The following KIAA1549L variants were observed in gnomAD, a reference collection of about 807,000 sequenced individuals.
KIAA1549L encodes UPF0606 protein KIAA1549L.
A neutral mutation model predicts 160.7 loss-of-function variants in KIAA1549L; 88 were observed. That is an observed-to-expected ratio of 0.55 (90% CI 0.46 to 0.65). KIAA1549L has a LOEUF of 0.65. Ranked by LOEUF, KIAA1549L falls within the 30% of genes least tolerant of loss-of-function variation. KIAA1549L has a pLI of 0.00. For missense variants in KIAA1549L, 2,258 were observed against 2,437.5 expected (o/e 0.93, Z 1.55); for synonymous variants, 950 against 976.7 (o/e 0.97, Z 0.51).
intron 20 of KIAA1549L, among the ~76,000 whole-genome samples, chr11:33,665,973 G>A (rs1336778792): frequency 6.6e-6 from 1 of 152,216 alleles, no homozygotes; most frequent in East Asian, 1.9e-4. Context: ...CAACTCTGAA[G>A]GGGTGGAGTT....
chr11:33,561,772 G>A, intron 8 of KIAA1549L, 37 bp downstream of exon 8: 1 of 1,408,658 alleles, frequency 7.1e-7, no homozygotes, highest in Non-Finnish European at 1.0e-6. Flanking sequence ...TCTTCATGCT[G>A]TCAGATTGAT....
At chr11:33,575,118 T>C (rs1031480386) in intron 10 of KIAA1549L, among the ~76,000 whole-genome samples, 2 of 152,224 alleles carry the variant, frequency 1.3e-5, no homozygotes, top group African/African-American at 4.8e-5. Flanking sequence ...TTCCTCAGCA[T>C]AATCTAGTGA....
At chr11:33,538,644 A>AT (rs1445785388) in intron 1 of KIAA1549L, among the ~76,000 whole-genome samples, 2 of 152,210 alleles carry the variant, frequency 1.3e-5, no homozygotes, top group African/African-American at 4.8e-5. Flanking sequence ...GAGGGAATCC[A>AT]GAGAGATACC....
chr11:33,644,405 G>A (rs1254000244), intron 16 of KIAA1549L, among the ~76,000 whole-genome samples: 1 of 152,198 alleles, frequency 6.6e-6, no homozygotes, highest in Non-Finnish European at 1.5e-5. Flanking sequence ...CCCATTTTGG[G>A]TGAATTCCCT....
chr11:33,661,896 A>G (rs1016933572), intron 20 of KIAA1549L, among the ~76,000 whole-genome samples: 1 of 150,976 alleles, frequency 6.6e-6, no homozygotes, highest in Admixed American at 6.6e-5. Context: ...AAAAAAAAAA[A>G]AAAAAAAAAA....
At chr11:33,405,007 CAAAAAA>C (rs35549544) in intron 1 of KIAA1549L, among the ~76,000 whole-genome samples, 1 of 109,272 alleles carries the variant, frequency 9.2e-6, no homozygotes, top group East Asian at 2.7e-4. Context: ...GACTCTGTCT[CAAAAAA>C]AAAAAAAAAA....
intron 1 of KIAA1549L, among the ~76,000 whole-genome samples, chr11:33,528,590 C>T (rs2615932): frequency 0.69 from 104,321 of 152,160 alleles, 36,264 homozygotes; most frequent in African/African-American, 0.81. Flanking sequence ...GCCCATCAAC[C>T]AATGAGTGGA....
rs566448828 is a variant in KIAA1549L, at chr11:33,670,131, C to A, written c.*1977C>A. 6.6e-6 allele frequency: 1 copy of A among 152,274 alleles called. No homozygotes were observed. Among genetic ancestry groups the A allele is most frequent in the Non-Finnish European group, 1.5e-5 (1 of 68,024 alleles). 9.4% of individuals were successfully genotyped at this position (152,274 alleles called of 1,614,324 possible). On this transcript the variant is annotated 3_prime_UTR_variant, in exon 21 of 21. Coordinates refer to ENST00000658780, the MANE Select transcript of KIAA1549L (RefSeq NM_012194.3). Reference sequence around the variant, plus strand: ...GCCAAAGAAACTCAGCCTGTTCATGCAAATGGTATGAGTCTGATAAAATCA... The same window carrying A: ...GCCAAAGAAACTCAGCCTGTTCATGAAAATGGTATGAGTCTGATAAAATCA...
chr11:33,612,772 A>G (rs929339271), intron 15 of KIAA1549L, among the ~76,000 whole-genome samples: 9 of 152,178 alleles, frequency 5.9e-5, no homozygotes, highest in Non-Finnish European at 1.3e-4. Flanking sequence ...TACACCCTGA[A>G]GTATACCCCA....
Position 33,561,729 on chromosome 11 carries a change from A to G in KIAA1549L, c.4072A>G (p.Ile1358Val). Reference protein sequence around the residue: ...ISETTRDYWVITVLQGVDNSL... With the variant: ...ISETTRDYWVVTVLQGVDNSL... ...AGAAACAACCAGAGACTATTGGGTA[A>G]TTACAGGTAATCTCTTATTTTGTAA... The change falls in exon 8 of 21, where the codon ATT becomes GTT. Residue 1358 changes from isoleucine (I) to valine (V), a missense_variant. Ile to Val is a conservative substitution (Grantham distance 29). Transcript: ENST00000658780. The G allele has an allele frequency of 1.9e-6, 3 of 1,601,340 alleles. No individual in the cohort carries two copies. The highest frequency in any genetic ancestry group is 2.6e-6 in the Non-Finnish European group (3 of 1,168,530).
Position 33,435,792 on chromosome 11 carries a change from A to ATGTGTGTGTGTG in KIAA1549L, c.238+58904_238+58905insGTGTGTGTGTGT, listed in dbSNP as rs1433325636. 5.4e-4 allele frequency among the ~76,000 whole-genome samples: 7 copies of ATGTGTGTGTGTG among 13,050 alleles called. No individual in the cohort carries two copies. In the South Asian group the frequency reaches 0.014, roughly 26 times the overall value. 8.6% of individuals were successfully genotyped at this position (13,050 alleles called of 152,430 possible). A position where few individuals can be genotyped will look rare whatever the true frequency, so the allele number is the denominator to read the frequency against. On this transcript the variant is annotated intron_variant, in intron 1 of 20. Transcript: ENST00000658780. Reference sequence around the variant, plus strand: ...TATATATATATATATATATATATATATATATATATATATATATATGTGTGT... The same window carrying ATGTGTGTGTGTG: ...TATATATATATATATATATATATATATGTGTGTGTGTGTATATATATATATATATATGTGTGT...
intron 1 of KIAA1549L, among the ~76,000 whole-genome samples, chr11:33,540,507 T>TG (rs1853994259): frequency 6.6e-6 from 1 of 152,128 alleles, no homozygotes; most frequent in South Asian, 2.1e-4. Context: ...ATAAGCAACA[T>TG]GAACAGGGAG....
intron 1 of KIAA1549L, among the ~76,000 whole-genome samples, chr11:33,532,016 T>C (rs1853785212): frequency 6.6e-6 from 1 of 152,120 alleles, no homozygotes; most frequent in Non-Finnish European, 1.5e-5. Flanking sequence ...GCCCCAGATC[T>C]GGAGATGGAG....
chr11:33,468,102 A>G (rs77204630), intron 1 of KIAA1549L, among the ~76,000 whole-genome samples: 1 of 152,370 alleles, frequency 6.6e-6, no homozygotes, highest in East Asian at 1.9e-4. Flanking sequence ...TCATTTTTTA[A>G]GTGCCAAAGC....
intron 8 of KIAA1549L, among the ~76,000 whole-genome samples, chr11:33,567,372 G>A (rs577817587): frequency 6.6e-6 from 1 of 152,250 alleles, no homozygotes; most frequent in Non-Finnish European, 1.5e-5. Flanking sequence ...ACTCAGAGAG[G>A]GCCAGTGGCT....
chr11:33,457,670 C>T (rs1565145330), intron 1 of KIAA1549L, among the ~76,000 whole-genome samples: 1 of 152,194 alleles, frequency 6.6e-6, no homozygotes, highest in South Asian at 2.1e-4. Flanking sequence ...ATTCATTTAA[C>T]AAGCATTCAT....
intron 1 of KIAA1549L, among the ~76,000 whole-genome samples, chr11:33,456,772 T>TAA (rs1165636134): frequency 2.0e-5 from 3 of 152,200 alleles, no homozygotes; most frequent in Non-Finnish European, 4.4e-5. Context: ...ACTCAGATAA[T>TAA]AAACCAATAA....
intron 16 of KIAA1549L, among the ~76,000 whole-genome samples, chr11:33,642,156 C>T (rs1438112538): frequency 2.0e-5 from 3 of 152,088 alleles, no homozygotes; most frequent in Non-Finnish European, 4.4e-5. Flanking sequence ...GTCCAAGAAA[C>T]ATAAATGTCA....
chr11:33,609,743 C>A lies in KIAA1549L; in HGVS notation c.5062-6C>A. On this transcript the variant is annotated splice_region_variant and splice_polypyrimidine_tract_variant and intron_variant, in intron 14 of 20. Transcript: ENST00000658780. ...GGTTTGGGCCTGAGACTGCCTCTCT[C>A]CCCAGGTGAACAAAGCCCTGAAGCA... The A allele has an allele frequency of 6.3e-7, 1 of 1,597,464 alleles. No homozygotes were observed. Among genetic ancestry groups the A allele is most frequent in the African/African-American group, 1.3e-5 (1 of 74,604 alleles).
Sources: gnomAD v4.1 joint callset for allele counts (sites outside exome capture counted in the v4.1 genomes callset) on GRCh38, gnomAD v4.1.1 for gene constraint, MANE v1.5 for transcripts, NCBI Gene and HGNC (gene_info 2026-07-23, HGNC 2026-07-21) for gene names.